SRR: variants seen among roughly 807,000 people sequenced by gnomAD.
SRR encodes the protein serine racemase, also known as D-serine ammonia-lyase.
Under a neutral mutation model 32.7 loss-of-function variants are expected in SRR, and 19 were observed. The observed-to-expected ratio is 0.58, with a 90% confidence interval of 0.40 to 0.85. The LOEUF (loss-of-function observed/expected upper bound fraction) is 0.85, where lower values mean the gene tolerates loss of function less well. SRR is among the 40% of genes least tolerant of loss of function. SRR has a pLI of 0.00. For missense variants in SRR, 373 were observed against 404.7 expected (o/e 0.92, Z 0.67); for synonymous variants, 142 against 140.9 (o/e 1.01, Z -0.06).
chr17:2,321,569 C>T lies in SRR; in HGVS notation c.547C>T (p.Pro183Ser). 8.1e-6 allele frequency: 13 copies of T among 1,614,092 alleles called. No homozygotes were observed. The highest frequency in any genetic ancestry group is 1.7e-5 in the Admixed American group (1 of 60,018). The change falls in exon 6 of 8, where the codon CCT becomes TCT. Residue 183 changes from proline (P) to serine (S), a missense_variant. Transcript: ENST00000344595. Reference sequence around the variant, plus strand: ...TCCTTTGGTGGATGCACTGGTGGTACCTGTAGGTGGAGGAGGAATGCTTGC... The same window carrying T: ...TCCTTTGGTGGATGCACTGGTGGTATCTGTAGGTGGAGGAGGAATGCTTGC... ...QVPLVDALVVPVGGGGMLAGI... is the reference protein window; with the variant it reads ...QVPLVDALVVSVGGGGMLAGI...
Position 2,313,738 on chromosome 17 carries a change from AAAC to A in SRR, c.-4-1813_-4-1811del, listed in dbSNP as rs377090944. On this transcript the variant is annotated intron_variant, in intron 1 of 7. Transcript: ENST00000344595. ...GTGACAGTGAAACTCCATCTCAAAA[AAAC>A]AACAAAAAAAAAATGTTGATAAATG... Among the ~76,000 whole-genome samples, 17 of 152,158 alleles carry A rather than the reference AAAC, an allele frequency of 1.1e-4. 1 individual carries two copies. In the South Asian group the frequency reaches 3.5e-3, roughly 31 times the overall value.
At chr17:2,307,669 A>G (rs1190223696) in intron 1 of SRR, 34 of 983,946 alleles carry the variant, frequency 3.5e-5, no homozygotes, top group Non-Finnish European at 4.6e-5. Context: ...CAAGGTGGCT[A>G]TGGCGGTTCC....
At position 2,306,311 on chromosome 17, in the gene SRR, G is replaced by A. The variant is rs1267067104; in HGVS notation, c.-5+2294G>A. Among the ~76,000 whole-genome samples the A allele has an allele frequency of 8.0e-5, 12 of 150,104 alleles. No homozygotes were observed. The East Asian group carries it at 1.6e-3, about 20-fold the overall frequency. On this transcript the variant is annotated intron_variant, in intron 1 of 7. Coordinates refer to ENST00000344595, the MANE Select transcript of SRR (RefSeq NM_021947.3). ...AGCCTGGGCGACAGAGTGAGACTCC[G>A]TCAAAAAAAAAAATTGTACAGGTCA...
intron 3 of SRR, among the ~76,000 whole-genome samples, chr17:2,318,540 C>G (rs1033597782): frequency 2.0e-5 from 3 of 149,878 alleles, no homozygotes; most frequent in African/African-American, 7.4e-5. Flanking sequence ...TCTCGGCTCA[C>G]TGCAAGCTCC....
chr17:2,320,495 C>T (rs1472398953), intron 4 of SRR, among the ~76,000 whole-genome samples: 5 of 151,682 alleles, frequency 3.3e-5, no homozygotes, highest in Non-Finnish European at 7.4e-5. Flanking sequence ...ACCTCGTGAT[C>T]TGCCCGCCTT....
At position 2,318,850 on chromosome 17, in the gene SRR, C is replaced by T. The variant is rs768351193; in HGVS notation, c.320C>T (p.Pro107Leu). 1.2e-5 allele frequency: 20 copies of T among 1,613,538 alleles called. No individual in the cohort carries two copies. The highest frequency in any genetic ancestry group is 1.7e-5 in the Non-Finnish European group (20 of 1,179,748). ...LEGIPAYIVV[P>L]QTAPDCKKLA... ...GGAATTCCTGCTTATATTGTGGTGC[C>T]CCAGACAGCTCCAGACTGTAAAAAA... is the stretch of plus-strand genomic sequence containing the variant. Residue 107 changes from proline (P) to leucine (L), a missense_variant, in exon 4 of 8, where the codon CCC (proline) becomes CTC (leucine). Physicochemically the swap from Pro to Leu is moderately conservative, Grantham distance 98 (BLOSUM62 -3). Transcript: ENST00000344595.
chr17:2,306,245 G>A (rs1281092542), intron 1 of SRR, among the ~76,000 whole-genome samples: 2 of 151,836 alleles, frequency 1.3e-5, no homozygotes, highest in East Asian at 2.0e-4. Flanking sequence ...GAACCTGGGA[G>A]GCAGAGGTTG....
upstream of SRR, chr17:2,303,725 G>A: frequency 6.7e-7 from 1 of 1,491,578 alleles, no homozygotes; most frequent in African/African-American, 1.5e-5. Flanking sequence ...CGCCATCTTC[G>A]CGGCTGCTGC....
At chr17:2,308,001 A>G (rs1466326991) in intron 1 of SRR, among the ~76,000 whole-genome samples, 2 of 150,334 alleles carry the variant, frequency 1.3e-5, no homozygotes, top group Non-Finnish European at 3.0e-5. Flanking sequence ...CAAGCTGTTG[A>G]TTGCTAAATG....
At chr17:2,317,684 G>A (rs1318640908) in intron 2 of SRR, among the ~76,000 whole-genome samples, 186 bp from the exon 3 acceptor site, 10 of 151,986 alleles carry the variant, frequency 6.6e-5, no homozygotes, top group Admixed American at 5.3e-4. Context: ...CTCCAGCCGG[G>A]ATAACGGAGA....
intron 1 of SRR, chr17:2,306,625 G>T (rs1444932154): frequency 1.0e-5 from 3 of 298,410 alleles, no homozygotes; most frequent in African/African-American, 6.6e-5. Context: ...ACTGAGGCAG[G>T]AGAATCACTT....
intron 1 of SRR, among the ~76,000 whole-genome samples, chr17:2,304,312 C>T (rs1256834025): frequency 6.6e-6 from 1 of 151,686 alleles, no homozygotes; most frequent in South Asian, 2.1e-4. Context: ...AGTGCAGTGG[C>T]GCGGTCTCGG....
intron 1 of SRR, among the ~76,000 whole-genome samples, chr17:2,313,368 TG>T (rs1188200777): frequency 6.7e-6 from 1 of 148,334 alleles, no homozygotes; most frequent in African/African-American, 2.5e-5. Flanking sequence ...AGGCAGAGGT[TG>T]CAGTGAGCTG....
chr17:2,303,529 G>T (rs1428944892), upstream of SRR: 48 of 1,338,976 alleles, frequency 3.6e-5, no homozygotes, highest in Non-Finnish European at 4.6e-5. Context: ...TGGGGGAAGG[G>T]GCGGGGGCTC....
intron 4 of SRR, among the ~76,000 whole-genome samples, chr17:2,320,082 T>A (rs1377708923): frequency 6.6e-6 from 1 of 151,696 alleles, no homozygotes; most frequent in Non-Finnish European, 1.5e-5. Flanking sequence ...CCTCCCAAAG[T>A]GCTGGGATTA....
intron 1 of SRR, among the ~76,000 whole-genome samples, chr17:2,311,237 G>A (rs1033643428): frequency 6.6e-6 from 1 of 151,966 alleles, no homozygotes; most frequent in South Asian, 2.1e-4. Context: ...ACAGGGTCTT[G>A]CTCTTGCAGT....
chr17:2,311,580 G>T (rs1206308660), intron 1 of SRR, among the ~76,000 whole-genome samples: 1 of 152,144 alleles, frequency 6.6e-6, no homozygotes, highest in Non-Finnish European at 1.5e-5. Flanking sequence ...GGCAGAGGTT[G>T]CAGTGAGCTG....
chr17:2,324,576 C>A lies in SRR; in HGVS notation c.*703C>A. 3 of 1,614,190 alleles carry A rather than the reference C, an allele frequency of 1.9e-6. No individual in the cohort carries two copies. Among genetic ancestry groups the A allele is most frequent in the Non-Finnish European group, 2.5e-6 (3 of 1,180,030 alleles). On this transcript the variant is annotated 3_prime_UTR_variant, in exon 8 of 8. Transcript: ENST00000344595. Reference sequence around the variant, plus strand: ...TCCACTGGTTTAAACCACAGCACATCCTCTTAGAATCAAACACATTAAAGA... The same window carrying A: ...TCCACTGGTTTAAACCACAGCACATACTCTTAGAATCAAACACATTAAAGA...
At chr17:2,305,871 G>A (rs1053696210) in intron 1 of SRR, among the ~76,000 whole-genome samples, 91 of 151,684 alleles carry the variant, frequency 6.0e-4, no homozygotes, top group African/African-American at 2.1e-3. Context: ...CTAATTTTTT[G>A]TATTTTTAGT....
Sources: gnomAD v4.1 joint callset for allele counts (sites outside exome capture counted in the v4.1 genomes callset) on GRCh38, gnomAD v4.1.1 for gene constraint, MANE v1.5 for transcripts, NCBI Gene and HGNC (gene_info 2026-07-23, HGNC 2026-07-21) for gene names.